Variants in MECOM observed in about 807,000 individuals in gnomAD.
MECOM encodes MDS1 and EVI1 complex locus.
Under a neutral mutation model 116.3 loss-of-function variants are expected in MECOM, and 13 were observed. The observed-to-expected ratio is 0.11, with a 90% CI of 0.07 to 0.18. The LOEUF (loss-of-function observed/expected upper bound fraction) is 0.18. Ranked by LOEUF, MECOM falls within the 10% of genes least tolerant of loss-of-function variation. The pLI, the probability that MECOM is intolerant of heterozygous loss-of-function variation, is 1.00. For missense variants in MECOM, 1,299 were observed against 1,509.0 expected (o/e 0.86, Z 2.31); for synonymous variants, 528 against 535.2 (o/e 0.99, Z 0.19).
intron 1 of MECOM, among the ~76,000 whole-genome samples, chr3:169,655,603 T>C (rs1881985): frequency 0.045 from 6,886 of 152,202 alleles, 172 homozygotes; most frequent in Middle Eastern, 0.085. Context: ...GATGCTCAAG[T>C]TTTCAGAACA....
intron 1 of MECOM, among the ~76,000 whole-genome samples, chr3:169,522,545 C>T (rs1026501790): frequency 1.3e-5 from 2 of 152,144 alleles, no homozygotes; most frequent in Admixed American, 1.3e-4. Context: ...GATAAGTGAC[C>T]TCAGAAAAGT....
At position 169,377,985 on chromosome 3, in the gene MECOM, T is replaced by C. The variant is rs1338817618; in HGVS notation, c.375+3202A>G. Among the ~76,000 whole-genome samples the C allele has an allele frequency of 2.0e-5, 3 of 152,290 alleles. No homozygotes were observed. In the East Asian group the frequency reaches 5.8e-4, roughly 29 times the overall value. ...GGTACATATACACCATGGAACACTA[T>C]GCAGCCATAAAAAAGAATGAGTTCA... On this transcript the variant is annotated intron_variant, in intron 2 of 16. Transcript: ENST00000651503.
intron 1 of MECOM, among the ~76,000 whole-genome samples, chr3:169,659,554 T>C (rs1364791764): frequency 7.0e-6 from 1 of 143,060 alleles, no homozygotes; most frequent in Non-Finnish European, 1.5e-5. Flanking sequence ...CGGGTAATGG[T>C]CAAGTAATAG....
rs114013091 is a variant in MECOM at position 169,435,558 on chromosome 3, T to A, written c.38-54034A>T. 9.5e-3 allele frequency among the ~76,000 whole-genome samples: 1,446 copies of A among 152,288 alleles called. 28 individuals are homozygous for A. The highest frequency in any genetic ancestry group is 0.033 in the African/African-American group (1,389 of 41,550). On this transcript the variant is annotated intron_variant, in intron 1 of 16. Transcript: ENST00000651503. ...AAAATAACCTACCTTAGGAGAACTG[T>A]CAAAAAGAGAGTCACATCAAACTAA...
intron 1 of MECOM, among the ~76,000 whole-genome samples, chr3:169,550,820 CTTTTTT>C (rs35343157): frequency 1.1e-5 from 1 of 91,664 alleles, no homozygotes; most frequent in Non-Finnish European, 2.1e-5. Context: ...GTTCCCTTTC[CTTTTTT>C]TTTTTTTTTT....
intron 2 of MECOM, among the ~76,000 whole-genome samples, chr3:169,364,860 G>A (rs1426085502): frequency 6.6e-5 from 10 of 151,944 alleles, no homozygotes; most frequent in Non-Finnish European, 1.3e-4. Context: ...CATATTGACT[G>A]TTTTCCTTAA....
At chr3:169,311,284 G>T (rs1409842315) in intron 2 of MECOM, among the ~76,000 whole-genome samples, 2 of 151,834 alleles carry the variant, frequency 1.3e-5, no homozygotes, top group African/African-American at 4.8e-5. Flanking sequence ...TACAATAAGA[G>T]AAAAAAAACT....
chr3:169,508,104 T>C (rs1755519567), intron 1 of MECOM, among the ~76,000 whole-genome samples: 1 of 152,228 alleles, frequency 6.6e-6, no homozygotes, highest in Non-Finnish European at 1.5e-5. Flanking sequence ...ATGTGCTCAA[T>C]AGGTCATAGT....
At chr3:169,427,306 T>C (rs1180219551) in intron 1 of MECOM, among the ~76,000 whole-genome samples, 1 of 152,152 alleles carries the variant, frequency 6.6e-6, no homozygotes, top group Non-Finnish European at 1.5e-5. Flanking sequence ...TGTAGTATAA[T>C]AGCTTTGTAT....
chr3:169,319,285 G>A (rs1288223299), intron 2 of MECOM, among the ~76,000 whole-genome samples: 1 of 152,140 alleles, frequency 6.6e-6, no homozygotes. Flanking sequence ...GGACATGGAT[G>A]AAACTGGAAA....
chr3:169,540,852 T>C (rs151160874), intron 1 of MECOM, among the ~76,000 whole-genome samples: 27 of 152,286 alleles, frequency 1.8e-4, no homozygotes, highest in Non-Finnish European at 3.1e-4. Flanking sequence ...AACACTCAAA[T>C]GTAACCTCCA....
intron 12 of MECOM, among the ~76,000 whole-genome samples, chr3:169,096,176 A>G (rs561497921): frequency 1.3e-5 from 2 of 152,146 alleles, no homozygotes; most frequent in Admixed American, 6.5e-5. Context: ...GTCCTCTGTC[A>G]TTTTAAGGTA....
chr3:169,087,099 T>C (rs1310738261), intron 16 of MECOM, among the ~76,000 whole-genome samples: 2 of 152,182 alleles, frequency 1.3e-5, no homozygotes, highest in Non-Finnish European at 2.9e-5. Context: ...CTAGTGTTTC[T>C]TATAACAGTA....
intron 1 of MECOM, among the ~76,000 whole-genome samples, chr3:169,637,498 C>A (rs542869160): frequency 4.6e-5 from 7 of 152,270 alleles, no homozygotes; most frequent in Admixed American, 1.3e-4. Flanking sequence ...CAGGAACTTA[C>A]AGCCAAGTTG....
At chr3:169,269,698 C>T (rs1577533674) in intron 2 of MECOM, among the ~76,000 whole-genome samples, 1 of 152,222 alleles carries the variant, frequency 6.6e-6, no homozygotes, top group East Asian at 1.9e-4. Flanking sequence ...TCACTTAATG[C>T]TAGAAAAATG....
intron 12 of MECOM, among the ~76,000 whole-genome samples, chr3:169,098,840 T>C (rs1385139573): frequency 6.6e-6 from 1 of 152,132 alleles, no homozygotes; most frequent in Non-Finnish European, 1.5e-5. Context: ...AATAAACTTA[T>C]CATTTTAGAA....
intron 1 of MECOM, among the ~76,000 whole-genome samples, chr3:169,533,576 AT>A (rs57279349): frequency 0.13 from 10,921 of 84,948 alleles, 606 homozygotes; most frequent in East Asian, 0.35. Context: ...CCCAGTGCTG[AT>A]TTTTTTTTTT....
At position 169,180,794 on chromosome 3, in the gene MECOM, G is replaced by GATATATATATATATATATATATATAT. The variant is rs10576266; in HGVS notation, c.376-36963_376-36962insATATATATATATATATATATATATAT. On this transcript the variant is annotated intron_variant, in intron 2 of 16. Coordinates refer to ENST00000651503, the MANE Select transcript of MECOM (RefSeq NM_004991.4). ...TATGTATGTGTGTGTGTGTGGAGAT[G>GATATATATATATATATATATATATAT]ATATATATATATATATATATCAGGC... Among the ~76,000 whole-genome samples the GATATATATATATATATATATATATAT allele has an allele frequency of 2.8e-3, 301 of 108,662 alleles. 12 individuals are homozygous for GATATATATATATATATATATATATAT. Among genetic ancestry groups the GATATATATATATATATATATATATAT allele is most frequent in the African/African-American group, 6.3e-3 (195 of 31,046 alleles). The allele number at this position is 108,662 out of a possible 152,430, so 71.3% of individuals were successfully genotyped here.
At chr3:169,218,508 TGACTGGAATGAGTATTTTACAAATCAA>T (rs993673316) in intron 2 of MECOM, among the ~76,000 whole-genome samples, 1 of 152,280 alleles carries the variant, frequency 6.6e-6, no homozygotes, top group African/African-American at 2.4e-5. Flanking sequence ...ACTTCCCTTT[TGACTGGAATGAGTATTTTACAAATCAA>T]GGAGTGCTAT....
Sources: gnomAD v4.1 joint callset for allele counts (sites outside exome capture counted in the v4.1 genomes callset) on GRCh38, gnomAD v4.1.1 for gene constraint, MANE v1.5 for transcripts, NCBI Gene and HGNC (gene_info 2026-07-23, HGNC 2026-07-21) for gene names.